The following FOCAD variants were observed in gnomAD, a reference collection of about 807,000 sequenced individuals.
FOCAD encodes focadhesin.
FOCAD carries 198 observed loss-of-function variants against 225.6 expected under a neutral mutation model. The observed-to-expected ratio is 0.88, with a 90% CI of 0.78 to 0.99. The LOEUF (loss-of-function observed/expected upper bound fraction) is 0.99, where lower values mean the gene tolerates loss of function less well. FOCAD is among the 50% of genes least tolerant of loss of function. FOCAD has a pLI of 0.00. For missense variants in FOCAD, 2,713 were observed against 2,123.6 expected (o/e 1.28, Z -5.46); for synonymous variants, 897 against 755.0 (o/e 1.19, Z -3.08).
intron 43 of FOCAD, 97 bp downstream of exon 43, chr9:20,993,425 C>G: frequency 2.0e-6 from 2 of 1,019,992 alleles, no homozygotes; most frequent in Non-Finnish European, 1.5e-6. Context: ...TTGAGTATCT[C>G]TTACCCGAAA....
chr9:20,868,225 A>T (rs967634003), intron 18 of FOCAD, among the ~76,000 whole-genome samples: 1 of 152,138 alleles, frequency 6.6e-6, no homozygotes, highest in Non-Finnish European at 1.5e-5. Context: ...ACACCTGCCA[A>T]TAGATTAGCT....
intron 7 of FOCAD, among the ~76,000 whole-genome samples, chr9:20,768,290 G>A (rs1311406072): frequency 6.6e-6 from 1 of 151,188 alleles, no homozygotes; most frequent in Non-Finnish European, 1.5e-5. Flanking sequence ...TTTGGCTTAG[G>A]ATTGACTTGG....
intron 11 of FOCAD, among the ~76,000 whole-genome samples, chr9:20,790,970 T>A (rs1820465153): frequency 6.6e-6 from 1 of 152,188 alleles, no homozygotes; most frequent in African/African-American, 2.4e-5. Flanking sequence ...TTTCATGGTG[T>A]ATGCGTAATG....
At chr9:20,751,705 T>C (rs1019740627) in intron 5 of FOCAD, among the ~76,000 whole-genome samples, 2 of 149,232 alleles carry the variant, frequency 1.3e-5, no homozygotes, top group Admixed American at 6.7e-5. Context: ...ATGGTATTTC[T>C]AGTTCTAGAT....
intron 30 of FOCAD, 125 bp from the exon 31 acceptor site, chr9:20,948,146 T>C: frequency 1.1e-6 from 1 of 950,652 alleles, no homozygotes; most frequent in Non-Finnish European, 1.5e-6. Context: ...ATTTTTCATA[T>C]GACAAATACA....
intron 2 of FOCAD, among the ~76,000 whole-genome samples, chr9:20,671,717 A>T (rs985536120): frequency 6.6e-6 from 1 of 152,196 alleles, no homozygotes; most frequent in South Asian, 2.1e-4. Context: ...TGGCAGGCAA[A>T]AAAAGGGCAA....
At chr9:20,803,823 C>G (rs1403425858) in intron 11 of FOCAD, among the ~76,000 whole-genome samples, 1 of 152,074 alleles carries the variant, frequency 6.6e-6, no homozygotes, top group Non-Finnish European at 1.5e-5. Flanking sequence ...TGACATTGCT[C>G]CCTATGGTGA....
intron 24 of FOCAD, among the ~76,000 whole-genome samples, chr9:20,918,712 A>G (rs1834091584): frequency 6.8e-6 from 1 of 146,654 alleles, no homozygotes; most frequent in Non-Finnish European, 1.5e-5. Context: ...TGACAGAGCG[A>G]GACTCCGTCT....
chr9:20,765,126 T>C (rs1355492124), intron 7 of FOCAD, 53 bp downstream of exon 7: 2 of 1,495,292 alleles, frequency 1.3e-6, no homozygotes, highest in African/African-American at 2.8e-5. Flanking sequence ...TAAGTGTTGT[T>C]ATTGTCATAG....
chr9:20,697,060 T>A (rs1307387191), intron 1 of FOCAD, among the ~76,000 whole-genome samples: 2 of 152,178 alleles, frequency 1.3e-5, no homozygotes, highest in African/African-American at 2.4e-5. Context: ...GTTTCTGTTC[T>A]TTATAAAATA....
chr9:20,770,609 T>C (rs1190837362), intron 8 of FOCAD, among the ~76,000 whole-genome samples: 2 of 152,142 alleles, frequency 1.3e-5, no homozygotes, highest in Non-Finnish European at 2.9e-5. Flanking sequence ...ACTTCTAACA[T>C]TGGGGATTAC....
intron 35 of FOCAD, among the ~76,000 whole-genome samples, chr9:20,974,873 C>CT (rs1330656189): frequency 6.6e-6 from 1 of 152,142 alleles, no homozygotes; most frequent in African/African-American, 2.4e-5. Flanking sequence ...CTTCTCCCAT[C>CT]TTTCAGCATC....
At chr9:20,742,881 C>T (rs1586990056) in intron 5 of FOCAD, among the ~76,000 whole-genome samples, 1 of 152,126 alleles carries the variant, frequency 6.6e-6, no homozygotes. Flanking sequence ...AGATACGTGG[C>T]ACATTAAGAG....
At chr9:20,723,261 G>A (rs10964676) in intron 4 of FOCAD, among the ~76,000 whole-genome samples, 22,750 of 152,278 alleles carry the variant, frequency 0.15, 2,220 homozygotes, top group Non-Finnish European at 0.22. Context: ...GCCGAGGCAG[G>A]CGAATCACTT....
chr9:20,953,680 C>T (rs1417632441), intron 35 of FOCAD, among the ~76,000 whole-genome samples: 1 of 152,136 alleles, frequency 6.6e-6, no homozygotes, highest in Non-Finnish European at 1.5e-5. Flanking sequence ...TAATAATACA[C>T]ATATAGTTTT....
At chr9:20,804,172 C>A (rs1338172402) in intron 11 of FOCAD, among the ~76,000 whole-genome samples, 1 of 151,994 alleles carries the variant, frequency 6.6e-6, no homozygotes, top group South Asian at 2.1e-4. Flanking sequence ...TCTCAAAATT[C>A]ACTTTAGCTT....
chr9:20,738,491 A>G (rs1028191030), intron 4 of FOCAD, among the ~76,000 whole-genome samples: 32 of 152,208 alleles, frequency 2.1e-4, no homozygotes, highest in African/African-American at 7.5e-4. Flanking sequence ...TTTATGGAGA[A>G]GGCTTCATGA....
chr9:20,811,314 G>A (rs910490543), intron 11 of FOCAD, among the ~76,000 whole-genome samples: 15 of 152,016 alleles, frequency 9.9e-5, no homozygotes, highest in African/African-American at 3.1e-4. Context: ...TCAGTTTTCC[G>A]TTTGAAATGT....
intron 6 of FOCAD, among the ~76,000 whole-genome samples, chr9:20,759,612 G>A (rs569160946): frequency 3.9e-4 from 59 of 152,252 alleles, no homozygotes; most frequent in Non-Finnish European, 7.1e-4. Context: ...AAAAACCGTA[G>A]AAGAAAACCT....
Sources: allele counts gnomAD v4.1 joint callset (sites outside exome capture counted in the v4.1 genomes callset), GRCh38; gene constraint gnomAD v4.1.1; transcripts MANE v1.5; gene names NCBI Gene and HGNC (gene_info 2026-07-23, HGNC 2026-07-21).